HOXA10: variants seen among roughly 807,000 people sequenced by gnomAD.
HOXA10 encodes the protein homeobox A10, also known as homeobox protein Hox-A10.
HOXA10 carries 12 observed loss-of-function variants against 29.7 expected under a neutral mutation model. That is an observed-to-expected ratio of 0.40 (90% CI 0.26 to 0.65). The LOEUF is 0.65. Ranked by LOEUF, HOXA10 falls within the 30% of genes least tolerant of loss-of-function variation. The pLI, the probability that HOXA10 is intolerant of heterozygous loss-of-function variation, is 0.37. For missense variants in HOXA10, 656 were observed against 585.9 expected, an observed-to-expected ratio of 1.12 and a Z score of -1.24; for synonymous variants, 327 against 280.7, an observed-to-expected ratio of 1.16 and a Z score of -1.65.
At chr7:27,179,667 C>T (rs1374554989) in exon 1 of HOXA10, 3 of 778,912 alleles carry the variant, frequency 3.9e-6, no homozygotes, top group African/African-American at 3.4e-5. Context: ...TCCGAAATCA[C>T]TGCCAAGGGA....
In HOXA10 at chr7:27,171,840, A is replaced by C; in HGVS notation, c.*59T>G. 6.3e-7 allele frequency: 1 copy of C among 1,576,530 alleles called. No individual in the cohort carries two copies. The highest frequency in any genetic ancestry group is 8.7e-7 in the Non-Finnish European group (1 of 1,146,360). ...GTGCGAGTTCCTGGGCAGAGCCTGA[A>C]GACAGAGGGAGGGGACCAGCGCTCG... On this transcript the variant is annotated 3_prime_UTR_variant, in exon 2 of 2. Transcript: ENST00000283921.
At chr7:27,172,710 C>T (rs1485801134) in intron 1 of HOXA10, 1 of 172,862 alleles carries the variant, frequency 5.8e-6, no homozygotes, top group Non-Finnish European at 1.2e-5. Context: ...CCTCAAGTTT[C>T]TCCAGGAGCC....
intron 1 of HOXA10, 112 bp from the exon 2 acceptor site, chr7:27,172,285 AAG>A: frequency 1.7e-6 from 2 of 1,159,372 alleles, no homozygotes; most frequent in South Asian, 2.5e-5. Flanking sequence ...AGTCACAGAG[AAG>A]AGAGTCGTGC....
chr7:27,173,216 C>T, intron 1 of HOXA10, 133 bp downstream of exon 1: 2 of 1,426,960 alleles, frequency 1.4e-6, no homozygotes, highest in South Asian at 1.2e-5. Context: ...AAAGCAAGTT[C>T]ACAAGGTCAG....
exon 1 of HOXA10, chr7:27,179,692 G>C (rs751652837): frequency 1.3e-6 from 1 of 775,750 alleles, no homozygotes; most frequent in Non-Finnish European, 2.4e-6. Context: ...TGGCTTCTCC[G>C]CGCGGCGACG....
rs1168075672 is a variant in HOXA10, at chr7:27,171,117, C to G, written c.*782G>C. ...GCATAAACAAAACTACATTATTTAT[C>G]TACAGCCAGAAGGATATGGAAATTT... is the stretch of plus-strand genomic sequence containing the variant. On this transcript the variant is annotated 3_prime_UTR_variant, in exon 2 of 2. Transcript: ENST00000283921. The G allele has an allele frequency of 2.2e-6, 1 of 451,470 alleles. No individual in the cohort carries two copies. Among genetic ancestry groups the G allele is most frequent in the Admixed American group, 2.4e-5 (1 of 41,966 alleles). 28.0% of individuals were successfully genotyped at this position (451,470 alleles called of 1,614,324 possible). A position where few individuals can be genotyped will look rare whatever the true frequency, so the allele number is the denominator to read the frequency against.
Position 27,173,437 on chromosome 7 carries a change from C to G in HOXA10, c.870G>C (p.Glu290Asp). ...CGSGGGSQGD[E>D]EAHASSSAAE... ...CGGCCGAGGACGACGCGTGCGCCTC[C>G]TCGTCGCCCTGCGAGCCCCCGCCGC... The change falls in exon 1 of 2, where the codon GAG becomes GAC. Residue 290 changes from glutamate to aspartate, a missense_variant. By Grantham distance (45) the Glu-to-Asp change is conservative. Coordinates refer to ENST00000283921, the MANE Select transcript of HOXA10 (RefSeq NM_018951.4). 1.3e-6 allele frequency: 2 copies of G among 1,577,580 alleles called. No homozygotes were observed. The highest frequency in any genetic ancestry group is 1.7e-6 in the Non-Finnish European group (2 of 1,164,452).
At chr7:27,174,365 C>A, upstream of HOXA10, 1 of 1,584,360 alleles carries the variant, frequency 6.3e-7, no homozygotes, top group South Asian at 1.1e-5. Context: ...GGCGGGCGCC[C>A]GCAGCCAATC....
intron 1 of HOXA10, 102 bp from the exon 2 acceptor site, chr7:27,172,275 A>T: frequency 8.1e-7 from 1 of 1,230,402 alleles, no homozygotes; most frequent in African/African-American, 1.5e-5. Flanking sequence ...AGATGTCCCA[A>T]GTCACAGAGA....
upstream of HOXA10, among the ~76,000 whole-genome samples, chr7:27,178,033 C>T (rs935893666): frequency 1.3e-5 from 2 of 152,192 alleles, no homozygotes; most frequent in Non-Finnish European, 2.9e-5. Flanking sequence ...TCTGAGTAGG[C>T]CCTTGTAAGC....
Position 27,173,873 on chromosome 7 carries a change from G to C in HOXA10, c.434C>G (p.Pro145Arg). Residue 145 changes from proline (P) to arginine (R), a missense_variant, in exon 1 of 2, where the codon CCG (proline) becomes CGG (arginine). Physicochemically the swap from Pro to Arg is moderately radical, Grantham distance 103 (BLOSUM62 -2). Around this residue, in one of 2 missense-constraint regions of HOXA10, gnomAD observed 594 missense variants for 491.9 expected, o/e 1.21. Transcript: ENST00000283921. ...CTGCGGCGCTGGCTGGGGTGGTTGCGGCGGGGGCGGCGGCTGCTGCTGGGG... is the reference window on the plus strand; with the variant it reads ...CTGCGGCGCTGGCTGGGGTGGTTGCCGCGGGGGCGGCGGCTGCTGCTGGGG... ...PPPQQQPPPP[P>R]QPPQPAPQAT... 5 of 1,582,824 alleles carry C rather than the reference G, an allele frequency of 3.2e-6. No individual in the cohort carries two copies. The highest frequency in any genetic ancestry group is 3.4e-6 in the Non-Finnish European group (4 of 1,166,158).
Position 27,173,987 on chromosome 7 carries a change from G to C in HOXA10, c.320C>G (p.Ala107Gly). ...GGGGGGLGPG[A>G]HGYGPSPIDL... ...TATGGGCGAGGGCCCGTAGCCGTGC[G>C]CCCCGGGACCTAGACCCCCGCCACC... Residue 107 changes from alanine (A) to glycine (G), a missense_variant, in exon 1 of 2, where the codon GCG becomes GGG. By Grantham distance (60) the Ala-to-Gly change is moderately conservative. Coordinates refer to ENST00000283921, the MANE Select transcript of HOXA10 (RefSeq NM_018951.4). The C allele has an allele frequency of 6.6e-7, 1 of 1,526,662 alleles. No individual in the cohort carries two copies. The highest frequency in any genetic ancestry group is 8.8e-7 in the Non-Finnish European group (1 of 1,142,290). 94.6% of individuals were successfully genotyped at this position (1,526,662 alleles called of 1,614,324 possible). A position where few individuals can be genotyped will look rare whatever the true frequency, so the allele number is the denominator to read the frequency against.
At chr7:27,179,324 T>G (rs1313511673) in intron 1 of HOXA10, among the ~76,000 whole-genome samples, 1 of 151,874 alleles carries the variant, frequency 6.6e-6, no homozygotes, top group Non-Finnish European at 1.5e-5. Flanking sequence ...TTTTTTTTTT[T>G]TGCCCTCCCA....
At chr7:27,176,879 C>T (rs372217430), upstream of HOXA10, among the ~76,000 whole-genome samples, 40 of 152,254 alleles carry the variant, frequency 2.6e-4, no homozygotes, top group African/African-American at 8.7e-4. Context: ...GTGAAAAATG[C>T]ATATCTGTAT....
At chr7:27,172,776 T>C (rs1783533190) in intron 1 of HOXA10, 1 of 165,532 alleles carries the variant, frequency 6.0e-6, no homozygotes, top group Admixed American at 5.9e-5. Context: ...GGCCCTTCTC[T>C]GGCTCTCAGC....
chr7:27,178,235 T>G (rs148235084), upstream of HOXA10, among the ~76,000 whole-genome samples: 127 of 152,282 alleles, frequency 8.3e-4, no homozygotes, highest in African/African-American at 2.9e-3. Context: ...ATATCTGGCT[T>G]TAGCAAAAAA....
chr7:27,177,610 A>T (rs1783677289), upstream of HOXA10, among the ~76,000 whole-genome samples: 2 of 152,038 alleles, frequency 1.3e-5, no homozygotes, highest in African/African-American at 4.8e-5. Context: ...TTAACACTGG[A>T]GTGTTAGGTT....
rs748226144 is a variant in HOXA10, at chr7:27,172,114, G to C, written c.1018C>G (p.Arg340Gly). 6.2e-7 allele frequency: 1 copy of C among 1,614,134 alleles called. No homozygotes were observed. The highest frequency in any genetic ancestry group is 2.2e-5 in the East Asian group (1 of 44,888). Residue 340 changes from arginine to glycine, a missense_variant, in exon 2 of 2, where the codon CGC becomes GGC. Coordinates refer to ENST00000283921, the MANE Select transcript of HOXA10 (RefSeq NM_018951.4). ...GTCTGGTGCTTCGTGTAGGGGCAGCGCTTCTTCCGACCACTCTTTGCCGTG... is the reference window on the plus strand; with the variant it reads ...GTCTGGTGCTTCGTGTAGGGGCAGCCCTTCTTCCGACCACTCTTTGCCGTG... ...WLTAKSGRKK[R>G]CPYTKHQTLE...
upstream of HOXA10, chr7:27,174,438 G>T: frequency 6.9e-7 from 1 of 1,456,796 alleles, no homozygotes; most frequent in Non-Finnish European, 9.2e-7. Context: ...GCCGCTCTCC[G>T]AGGGCGCCCT....
Sources: allele counts gnomAD v4.1 joint callset (sites outside exome capture counted in the v4.1 genomes callset), GRCh38; gene constraint gnomAD v4.1.1; regional missense constraint gnomAD v4.1.1; transcripts MANE v1.5; gene names NCBI Gene and HGNC (gene_info 2026-07-23, HGNC 2026-07-21).